SLC5A10: variants seen among roughly 807,000 people sequenced by gnomAD.
The protein encoded by SLC5A10 is solute carrier family 5 member 10.
SLC5A10 carries 55 observed loss-of-function variants against 68.9 expected under a neutral mutation model. That is an observed-to-expected ratio of 0.80 (90% CI 0.64 to 1.00). SLC5A10 has a LOEUF of 1.00. Among genes scored for constraint, SLC5A10 ranks in the 50% least tolerant of loss-of-function variants. SLC5A10 has a pLI of 0.00. For missense variants in SLC5A10, 732 were observed against 819.3 expected (o/e 0.89, Z 1.30); for synonymous variants, 344 against 344.8 (o/e 1.00, Z 0.02).
At chr17:18,959,686 C>T in intron 4 of SLC5A10, 23 bp downstream of exon 4, 1 of 1,613,066 alleles carries the variant, frequency 6.2e-7, no homozygotes, top group Non-Finnish European at 8.5e-7. Flanking sequence ...ATGGGGCCTC[C>T]AGCTGGGGGG....
intron 9 of SLC5A10, among the ~76,000 whole-genome samples, chr17:19,001,249 A>G (rs1050586320): frequency 5.9e-5 from 9 of 152,242 alleles, no homozygotes; most frequent in Admixed American, 5.9e-4. Context: ...GGAAGTGCCC[A>G]GGGCAGAAAG....
rs1178487945 is a variant in SLC5A10, at chr17:19,000,331, G to T, written c.983-13079G>T. On this transcript the variant is annotated intron_variant, in intron 9 of 14. Transcript: ENST00000395645. This position sits in a 1 kb window ranked among gnomAD's most constrained non-coding sequence, Gnocchi z 5.2. ...GGGCAGCAAGGTGTCAGGGCTGAAG[G>T]GGCCCCTAACAGTCTTCAATACCTG... Among the ~76,000 whole-genome samples the T allele has an allele frequency of 6.6e-6, 1 of 152,168 alleles. No homozygotes were observed. The highest frequency in any genetic ancestry group is 1.5e-5 in the Non-Finnish European group (1 of 68,022).
chr17:19,005,593 C>T (rs1360480443), intron 9 of SLC5A10, among the ~76,000 whole-genome samples: 1 of 152,114 alleles, frequency 6.6e-6, no homozygotes, highest in Non-Finnish European at 1.5e-5. Context: ...GTTTGGGTCC[C>T]GTAAGGATGC....
chr17:19,016,360 T>A (rs558953001), intron 11 of SLC5A10, among the ~76,000 whole-genome samples: 1 of 152,142 alleles, frequency 6.6e-6, no homozygotes, highest in African/African-American at 2.4e-5. Flanking sequence ...CTTATGCCTT[T>A]ACATCCTCAG....
chr17:18,950,743 T>C, upstream of SLC5A10: 2 of 932,838 alleles, frequency 2.1e-6, no homozygotes, highest in Non-Finnish European at 2.6e-6. Flanking sequence ...TGAGATGGAG[T>C]CTCCCTCTGT....
At chr17:18,990,371 G>T (rs1487639265) in intron 9 of SLC5A10, among the ~76,000 whole-genome samples, 1 of 152,072 alleles carries the variant, frequency 6.6e-6, no homozygotes, top group Non-Finnish European at 1.5e-5. Context: ...CCCTGCCTGG[G>T]ATCTCCCAGA....
At chr17:18,958,202 C>T (rs2042541080) in intron 1 of SLC5A10, among the ~76,000 whole-genome samples, 1 of 152,204 alleles carries the variant, frequency 6.6e-6, no homozygotes, top group South Asian at 2.1e-4. Flanking sequence ...TCCTAAGTAG[C>T]GGGGGCCACA....
chr17:18,966,726 G>C (rs576836724), intron 5 of SLC5A10, among the ~76,000 whole-genome samples: 262 of 144,120 alleles, frequency 1.8e-3, no homozygotes, highest in African/African-American at 6.4e-3. Flanking sequence ...CTCCAGCCTG[G>C]GTGACAGAGC....
At chr17:18,962,001 C>T (rs186756411) in intron 5 of SLC5A10, among the ~76,000 whole-genome samples, 160 of 152,308 alleles carry the variant, frequency 1.1e-3, no homozygotes, top group African/African-American at 3.5e-3. Context: ...CTTTAGAGTC[C>T]GGAGGGACTT....
chr17:19,020,670 A>C lies in SLC5A10; in HGVS notation c.*239A>C, dbSNP rs926067711. On this transcript the variant is annotated 3_prime_UTR_variant, in exon 15 of 15. Coordinates refer to ENST00000395645, the MANE Select transcript of SLC5A10 (RefSeq NM_001042450.4). ...AGCAGTCAGCATTGGAAGGAAAATT[A>C]GATTTCTGACGGACATCCTGATGTT... 31 of 558,066 alleles carry C rather than the reference A, an allele frequency of 5.6e-5. No individual in the cohort carries two copies. Among genetic ancestry groups the C allele is most frequent in the African/African-American group, 4.9e-4 (26 of 53,300 alleles). The allele number at this position is 558,066 out of a possible 1,614,324, so 34.6% of individuals were successfully genotyped here. A position where few individuals can be genotyped will look rare whatever the true frequency, so the allele number is the denominator to read the frequency against.
intron 5 of SLC5A10, among the ~76,000 whole-genome samples, chr17:18,967,236 A>G (rs1268850846): frequency 6.6e-6 from 1 of 152,204 alleles, no homozygotes; most frequent in Non-Finnish European, 1.5e-5. Flanking sequence ...TGTAGTGTCC[A>G]GTCTATAGGG....
At chr17:18,978,802 C>G in intron 9 of SLC5A10, 1 of 1,612,976 alleles carries the variant, frequency 6.2e-7, no homozygotes, top group African/African-American at 1.3e-5. Flanking sequence ...CCTGGCCAGA[C>G]AGCACAGAGA....
intron 5 of SLC5A10, among the ~76,000 whole-genome samples, chr17:18,964,682 G>A (rs889640360): frequency 6.6e-6 from 1 of 152,078 alleles, no homozygotes; most frequent in Admixed American, 6.5e-5. Flanking sequence ...TGCAGCCACA[G>A]GGCAAGAGCT....
intron 9 of SLC5A10, among the ~76,000 whole-genome samples, chr17:19,008,813 A>AT (rs1207007118): frequency 4.2e-4 from 62 of 146,118 alleles, no homozygotes; most frequent in South Asian, 1.3e-3. Context: ...TATTATTATT[A>AT]TTTTTTTTTT....
At chr17:19,011,137 G>C (rs1422977776) in intron 9 of SLC5A10, among the ~76,000 whole-genome samples, 2 of 152,228 alleles carry the variant, frequency 1.3e-5, no homozygotes, top group African/African-American at 4.8e-5. Flanking sequence ...CCTCCGTCCT[G>C]GTGGGGAAGG....
At chr17:18,959,799 AAT>A (rs1394339270) in intron 4 of SLC5A10, 136 bp downstream of exon 4, 1 of 702,192 alleles carries the variant, frequency 1.4e-6, no homozygotes, top group Non-Finnish European at 2.5e-6. Context: ...TAGCCCGACT[AAT>A]ATTTCTATCA....
intron 10 of SLC5A10, 65 bp from the exon 11 acceptor site, chr17:19,014,984 G>A: frequency 6.4e-7 from 1 of 1,568,192 alleles, no homozygotes; most frequent in Non-Finnish European, 8.7e-7. Context: ...TAGAGCCCAG[G>A]CGGGAGGGGT....
chr17:18,957,204 G>A (rs1482443720), intron 1 of SLC5A10, among the ~76,000 whole-genome samples: 1 of 152,160 alleles, frequency 6.6e-6, no homozygotes, highest in African/African-American at 2.4e-5. Flanking sequence ...CCACATTACA[G>A]AGGAAGAAAC....
chr17:18,978,327 T>C lies in SLC5A10; in HGVS notation c.982+1338T>C, dbSNP rs751699890. ...GCCTGGGAGGTGTCACGGATCTTGA[T>C]GCGGTTCATCTGGCTGGGCTGGGGG... is the stretch of plus-strand genomic sequence containing the variant. On this transcript the variant is annotated intron_variant, in intron 9 of 14. Transcript: ENST00000395645. 5.6e-6 allele frequency: 9 copies of C among 1,607,738 alleles called. No individual in the cohort carries two copies. In the Admixed American group the frequency reaches 1.5e-4, roughly 27 times the overall value.
Sources: gnomAD v4.1 joint callset for allele counts (sites outside exome capture counted in the v4.1 genomes callset) on GRCh38, gnomAD v4.1.1 for gene constraint, Gnocchi (gnomAD v3.1) non-coding constraint, MANE v1.5 for transcripts, NCBI Gene and HGNC (gene_info 2026-07-23, HGNC 2026-07-21) for gene names.